AOAH: variants seen among roughly 807,000 people sequenced by gnomAD.
AOAH encodes acyloxyacyl hydrolase, also known as acyloxyacyl hydrolase (neutrophil).
In AOAH, 64 loss-of-function variants were observed where a neutral mutation model predicts 92.2. That is an observed-to-expected ratio of 0.69 (90% CI 0.57 to 0.86). AOAH has a LOEUF of 0.86. AOAH is among the 40% of genes least tolerant of loss of function. The pLI is 0.00. For synonymous variants in AOAH, 263 were observed against 254.5 expected (o/e 1.03, Z -0.32); for missense variants, 656 against 694.6 (o/e 0.94, Z 0.62).
intron 4 of AOAH, among the ~76,000 whole-genome samples, chr7:36,639,176 T>C (rs1216324257): frequency 1.3e-5 from 2 of 152,246 alleles, no homozygotes; most frequent in Non-Finnish European, 2.9e-5. Flanking sequence ...CCTCATTAAA[T>C]GCACTTTTGG....
intron 11 of AOAH, among the ~76,000 whole-genome samples, chr7:36,595,216 G>T (rs1790018252): frequency 6.6e-6 from 1 of 152,096 alleles, no homozygotes; most frequent in South Asian, 2.1e-4. Context: ...TTTGGAATAG[G>T]GCTGCCAGAT....
At position 36,616,277 on chromosome 7, in the gene AOAH, G is replaced by A. The variant is rs1583952310; in HGVS notation, c.846+103C>T. The A allele has an allele frequency of 7.7e-6, 7 of 912,458 alleles. No individual in the cohort carries two copies. The East Asian group carries it at 1.6e-4, about 21-fold the overall frequency. The allele number at this position is 912,458 out of a possible 1,614,324, so 56.5% of individuals were successfully genotyped here. A position where few individuals can be genotyped will look rare whatever the true frequency, so the allele number is the denominator to read the frequency against. ...TTCATGGCAGATTTTGCTAAAGAGGGAAATTTGCACCTGTGTGGAGTTGGC... is the reference window on the plus strand; with the variant it reads ...TTCATGGCAGATTTTGCTAAAGAGGAAAATTTGCACCTGTGTGGAGTTGGC... On this transcript the variant is annotated intron_variant, in intron 11 of 20. Transcript: ENST00000617537.
chr7:36,520,782 G>A (rs542681315), intron 20 of AOAH, among the ~76,000 whole-genome samples: 2 of 151,924 alleles, frequency 1.3e-5, no homozygotes, highest in East Asian at 3.9e-4. Flanking sequence ...ATTTTTGGGG[G>A]ATCAGACCCT....
At chr7:36,682,282 A>G (rs1211242671) in intron 2 of AOAH, among the ~76,000 whole-genome samples, 1 of 151,714 alleles carries the variant, frequency 6.6e-6, no homozygotes, top group East Asian at 1.9e-4. Flanking sequence ...GAAAAATCTC[A>G]GAAAGCAAGC....
chr7:36,587,044 G>C (rs1789381471), intron 12 of AOAH, among the ~76,000 whole-genome samples: 1 of 151,958 alleles, frequency 6.6e-6, no homozygotes, highest in African/African-American at 2.4e-5. Flanking sequence ...GGCTGAGGTG[G>C]GTGGATTGCC....
chr7:36,526,235 ACCT>A (rs1562534606), intron 19 of AOAH, among the ~76,000 whole-genome samples: 1 of 152,080 alleles, frequency 6.6e-6, no homozygotes, highest in African/African-American at 2.4e-5. Flanking sequence ...TAAGACTACA[ACCT>A]GTTTATTTAC....
chr7:36,564,421 T>C (rs1485360055), intron 13 of AOAH, among the ~76,000 whole-genome samples: 1 of 152,096 alleles, frequency 6.6e-6, no homozygotes, highest in Admixed American at 6.6e-5. Context: ...CTAGCACCTA[T>C]TGCAATATTG....
At chr7:36,670,798 A>G (rs931876629) in intron 3 of AOAH, among the ~76,000 whole-genome samples, 1 of 151,914 alleles carries the variant, frequency 6.6e-6, no homozygotes, top group Non-Finnish European at 1.5e-5. Context: ...CTTTCTCCAT[A>G]CCTATGCCCG....
chr7:36,635,220 C>CCAT (rs1260523844), intron 5 of AOAH, among the ~76,000 whole-genome samples: 1 of 152,122 alleles, frequency 6.6e-6, no homozygotes, highest in East Asian at 1.9e-4. Context: ...GCATCTAATC[C>CCAT]CATCTAAAAT....
intron 6 of AOAH, among the ~76,000 whole-genome samples, chr7:36,629,796 C>T (rs182861632): frequency 6.1e-4 from 93 of 152,188 alleles, no homozygotes; most frequent in African/African-American, 2.1e-3. Flanking sequence ...TCATGAAGCT[C>T]GTGAGATGAA....
intron 6 of AOAH, among the ~76,000 whole-genome samples, chr7:36,627,716 G>T (rs1277290318): frequency 6.6e-6 from 1 of 152,126 alleles, no homozygotes; most frequent in Non-Finnish European, 1.5e-5. Context: ...CAGATGTTCA[G>T]ATTTCTGGCC....
At chr7:36,536,100 A>G (rs1157839138) in intron 16 of AOAH, among the ~76,000 whole-genome samples, 3 of 152,126 alleles carry the variant, frequency 2.0e-5, no homozygotes, top group African/African-American at 4.8e-5. Context: ...GGCAGGAGTG[A>G]GACACCCACC....
chr7:36,528,380 C>T (rs1398699192), intron 19 of AOAH, among the ~76,000 whole-genome samples: 3 of 152,136 alleles, frequency 2.0e-5, no homozygotes, highest in Non-Finnish European at 2.9e-5. Flanking sequence ...GCTGATGAGG[C>T]CCTGCTTCCA....
chr7:36,607,265 C>A (rs1791074002), intron 11 of AOAH, among the ~76,000 whole-genome samples: 1 of 152,182 alleles, frequency 6.6e-6, no homozygotes, highest in Non-Finnish European at 1.5e-5. Context: ...GGCAGAAGGG[C>A]CCATTATGAA....
At chr7:36,663,494 G>A (rs886241277) in intron 3 of AOAH, among the ~76,000 whole-genome samples, 1 of 152,030 alleles carries the variant, frequency 6.6e-6, no homozygotes, top group Non-Finnish European at 1.5e-5. Flanking sequence ...CCTAACCCCT[G>A]GTAACCACGG....
intron 11 of AOAH, among the ~76,000 whole-genome samples, chr7:36,601,097 G>T (rs1275801063): frequency 6.6e-6 from 1 of 152,146 alleles, no homozygotes; most frequent in East Asian, 1.9e-4. Flanking sequence ...TTCCAGTGGG[G>T]TCTGGCAGAG....
intron 2 of AOAH, among the ~76,000 whole-genome samples, chr7:36,676,447 GAAGTTA>G (rs1433673560): frequency 2.0e-5 from 3 of 152,226 alleles, no homozygotes; most frequent in African/African-American, 7.2e-5. Context: ...ATTGTTAAAA[GAAGTTA>G]AAGTAGACCT....
chr7:36,648,406 C>T (rs1794364614), intron 4 of AOAH, among the ~76,000 whole-genome samples: 1 of 150,014 alleles, frequency 6.7e-6, no homozygotes, highest in African/African-American at 2.5e-5. Context: ...TTGTTTGTGG[C>T]CTTTGCTGAC....
At chr7:36,600,841 G>A (rs186546870) in intron 11 of AOAH, among the ~76,000 whole-genome samples, 183 of 152,316 alleles carry the variant, frequency 1.2e-3, no homozygotes, top group Non-Finnish European at 2.2e-3. Flanking sequence ...GAAAAGTTCT[G>A]AAGTCCACAG....
Sources: allele counts gnomAD v4.1 joint callset (sites outside exome capture counted in the v4.1 genomes callset), GRCh38; gene constraint gnomAD v4.1.1; transcripts MANE v1.5; gene names NCBI Gene and HGNC (gene_info 2026-07-23, HGNC 2026-07-21).